Variants in TICRR observed in about 807,000 individuals in gnomAD.
TICRR encodes the protein TOPBP1 interacting checkpoint and replication regulator, also known as treslin.
TICRR carries 132 observed loss-of-function variants against 178.1 expected under a neutral mutation model. The ratio of observed to expected loss-of-function variants is 0.74; its 90% confidence interval spans 0.64 to 0.86. The LOEUF (loss-of-function observed/expected upper bound fraction) is 0.86. Among genes scored for constraint, TICRR ranks in the 40% least tolerant of loss-of-function variants. The probability of loss-of-function intolerance (pLI) is 0.00; values close to 1 mark genes in which losing one functional copy is unlikely to be tolerated. For synonymous variants in TICRR, 991 were observed against 900.7 expected, an observed-to-expected ratio of 1.10 and a Z score of -1.79; for missense variants, 2,587 against 2,334.3, an observed-to-expected ratio of 1.11 and a Z score of -2.23.
chr15:89,589,066 T>C (rs982354394), intron 4 of TICRR, among the ~76,000 whole-genome samples: 16 of 151,670 alleles, frequency 1.1e-4, no homozygotes, highest in South Asian at 2.1e-4. Flanking sequence ...ATTGAGGACA[T>C]AGGGGATTTT....
rs1465635265 is a variant in TICRR at position 89,591,984 on chromosome 15, A to T, written c.1412-63A>T. 4.6e-6 allele frequency: 7 copies of T among 1,519,122 alleles called. No homozygotes were observed. The East Asian group carries it at 1.4e-4, about 30-fold the overall frequency. 94.1% of individuals were successfully genotyped at this position (1,519,122 alleles called of 1,614,324 possible). A position where few individuals can be genotyped will look rare whatever the true frequency, so the allele number is the denominator to read the frequency against. On this transcript the variant is annotated intron_variant, in intron 4 of 21. Transcript: ENST00000268138. ...CAGTCCAGGGGAGGAGCAAGTGCTT[A>T]GAATTCTCTGCTTTGGTTCTCATGC...
In TICRR at chr15:89,623,855, CAGG is replaced by C; in HGVS notation, c.3548_3550del (p.Gly1183del). On this transcript the variant is annotated inframe_deletion, in exon 20 of 22. Coordinates refer to ENST00000268138, the MANE Select transcript of TICRR (RefSeq NM_152259.4). ...ACTCCTCAAAAACGACATACCCAGG[CAGG>C]AGAAGGTACCTCTCTTGAAACGAAG... 1.9e-6 allele frequency: 3 copies of C among 1,613,972 alleles called. No individual in the cohort carries two copies. The highest frequency in any genetic ancestry group is 2.5e-6 in the Non-Finnish European group (3 of 1,180,026).
rs1408270815 is a variant in TICRR, at chr15:89,627,821, G to A, written c.*735G>A. On this transcript the variant is annotated 3_prime_UTR_variant, in exon 22 of 22. Coordinates refer to ENST00000268138, the MANE Select transcript of TICRR (RefSeq NM_152259.4). The stretch of plus-strand genomic sequence containing the variant: ...AGTGCCCCACAGACCCGCTGGACCA[G>A]CCTGCTGCGGGTCCTGGCCAGGGGT... 1 of 152,500 alleles carries A rather than the reference G, an allele frequency of 6.6e-6. No homozygotes were observed. Among genetic ancestry groups the A allele is most frequent in the African/African-American group, 2.4e-5 (1 of 41,412 alleles). The allele number at this position is 152,500 out of a possible 1,614,324, so 9.4% of individuals were successfully genotyped here. A position where few individuals can be genotyped will look rare whatever the true frequency, so the allele number is the denominator to read the frequency against.
At chr15:89,576,809 GTA>G (rs757729760) in intron 1 of TICRR, among the ~76,000 whole-genome samples, 69,096 of 114,922 alleles carry the variant, frequency 0.6, 18,182 homozygotes, top group Non-Finnish European at 0.68. Flanking sequence ...GGGTGTGTGT[GTA>G]TGTGTGTGTG....
intron 1 of TICRR, among the ~76,000 whole-genome samples, chr15:89,577,728 C>T (rs1000292351): frequency 2.0e-5 from 3 of 149,836 alleles, no homozygotes; most frequent in Non-Finnish European, 4.4e-5. Context: ...CCTGCCTCAG[C>T]CTCCCAAGTA....
At chr15:89,589,399 G>A (rs1788045105) in intron 4 of TICRR, among the ~76,000 whole-genome samples, 2 of 152,136 alleles carry the variant, frequency 1.3e-5, no homozygotes, top group South Asian at 4.1e-4. Flanking sequence ...TAACTCCGAG[G>A]GCCTAGGGCT....
chr15:89,588,580 A>G (rs1962859610), intron 4 of TICRR, among the ~76,000 whole-genome samples: 1 of 152,072 alleles, frequency 6.6e-6, no homozygotes, highest in African/African-American at 2.4e-5. Flanking sequence ...CAAAGGAGAG[A>G]GCTAAAAAAT....
chr15:89,594,129 A>G (rs981333666), intron 5 of TICRR, among the ~76,000 whole-genome samples: 2 of 152,234 alleles, frequency 1.3e-5, no homozygotes, highest in African/African-American at 4.8e-5. Context: ...TAGTTGCCAT[A>G]ATTAGACTTG....
Position 89,585,670 on chromosome 15 carries a change from A to G in TICRR, c.1177-38A>G, listed in dbSNP as rs374342327. 17 of 1,411,388 alleles carry G rather than the reference A, an allele frequency of 1.2e-5. No individual in the cohort carries two copies. In the African/African-American group the frequency reaches 2.2e-4, roughly 19 times the overall value. The allele number at this position is 1,411,388 out of a possible 1,614,324, so 87.4% of individuals were successfully genotyped here. A position where few individuals can be genotyped will look rare whatever the true frequency, so the allele number is the denominator to read the frequency against. On this transcript the variant is annotated intron_variant, in intron 3 of 21. Transcript: ENST00000268138. ...ACTACATTCTTCTTTAGGCATATTGACAATAATATTCTCAACTAATTAGGG... is the reference window on the plus strand; with the variant it reads ...ACTACATTCTTCTTTAGGCATATTGGCAATAATATTCTCAACTAATTAGGG...
intron 5 of TICRR, 80 bp from the exon 6 acceptor site, chr15:89,594,335 A>G (rs999805141): frequency 2.7e-5 from 34 of 1,262,758 alleles, no homozygotes; most frequent in Non-Finnish European, 3.6e-5. Context: ...TTTAGAGGAT[A>G]GTGGGTATTT....
At position 89,603,006 on chromosome 15, in the gene TICRR, T is replaced by C. The variant is rs529286295; in HGVS notation, c.2664+114T>C. The C allele has an allele frequency of 1.3e-5, 6 of 451,746 alleles. No individual in the cohort carries two copies. In the South Asian group the frequency reaches 4.8e-4, roughly 36 times the overall value. The allele number at this position is 451,746 out of a possible 1,614,324, so 28.0% of individuals were successfully genotyped here. A position where few individuals can be genotyped will look rare whatever the true frequency, so the allele number is the denominator to read the frequency against. On this transcript the variant is annotated intron_variant, in intron 13 of 21. Transcript: ENST00000268138. ...ACAGAAATAATATTAAATATTTTTA[T>C]GAATGTGTATAAAACTATAATCCAA...
Position 89,583,192 on chromosome 15 carries a change from G to T in TICRR, c.934+227G>T, listed in dbSNP as rs1015102209. On this transcript the variant is annotated intron_variant, in intron 2 of 21. Transcript: ENST00000268138. ...CCTTTGTACAAAAAAACAAGTGAAT[G>T]ATTGATTTTAAAGTTTACCAGCTGT... Among the ~76,000 whole-genome samples the T allele has an allele frequency of 3.3e-5, 5 of 152,256 alleles. No individual in the cohort carries two copies. In the South Asian group the frequency reaches 8.3e-4, roughly 25 times the overall value.
chr15:89,591,758 C>T (rs1962916875), intron 4 of TICRR: 1 of 215,910 alleles, frequency 4.6e-6, no homozygotes, highest in East Asian at 9.8e-5. Flanking sequence ...AAAAGAAGAA[C>T]AATATATATT....
chr15:89,589,481 T>C (rs1052763773), intron 4 of TICRR, among the ~76,000 whole-genome samples: 5 of 152,020 alleles, frequency 3.3e-5, no homozygotes, highest in African/African-American at 1.2e-4. Flanking sequence ...TGCTTGACAT[T>C]TGCTGGAAGA....
intron 17 of TICRR, among the ~76,000 whole-genome samples, chr15:89,618,746 C>T (rs1963375817): frequency 1.3e-5 from 2 of 152,130 alleles, no homozygotes; most frequent in South Asian, 2.1e-4. Context: ...GGATCACTGG[C>T]CAGGAGTTTG....
Position 89,575,940 on chromosome 15 carries a change from C to A in TICRR, c.354C>A (p.Ile118=). 6.3e-7 allele frequency: 1 copy of A among 1,597,206 alleles called. No individual in the cohort carries two copies. Among genetic ancestry groups the A allele is most frequent in the East Asian group, 2.3e-5 (1 of 44,044 alleles). The change falls in exon 1 of 22, where the codon ATC becomes ATA. Residue 118 remains isoleucine, a synonymous_variant. Coordinates refer to ENST00000268138, the MANE Select transcript of TICRR (RefSeq NM_152259.4). ...LLDYQWDRPE[I]TSPTKPILRS... ...ACTACCAGTGGGACCGGCCCGAGAT[C>A]ACGTCGCCCACGAAGCCGATCCTGC...
intron 1 of TICRR, among the ~76,000 whole-genome samples, chr15:89,579,406 C>T (rs548011973): frequency 4.6e-5 from 7 of 152,172 alleles, no homozygotes; most frequent in African/African-American, 1.7e-4. Context: ...AGTGCAGTGG[C>T]GCAATCTCGG....
Position 89,619,818 on chromosome 15 carries a change from C to T in TICRR, c.3130C>T (p.His1044Tyr). ...QPKSRSVQRV[H>Y]SFQQDKSDQR... ...GAAGTCTCGAAGTGTGCAAAGAGTCCACTCTTTCCAGCAAGATAAGTCAGG... is the reference window on the plus strand; with the variant it reads ...GAAGTCTCGAAGTGTGCAAAGAGTCTACTCTTTCCAGCAAGATAAGTCAGG... Residue 1044 changes from histidine (H) to tyrosine (Y), a missense_variant, in exon 18 of 22, where the codon CAC becomes TAC. Coordinates refer to ENST00000268138, the MANE Select transcript of TICRR (RefSeq NM_152259.4). The T allele has an allele frequency of 1.2e-6, 2 of 1,612,658 alleles. No homozygotes were observed. The highest frequency in any genetic ancestry group is 1.7e-6 in the Non-Finnish European group (2 of 1,179,600).
chr15:89,618,267 T>C lies in TICRR; in HGVS notation c.3019+57T>C. ...ATCTACCCAGCTTCTATGAAAACCT[T>C]TCTGTATGTATTGTTACTTGGCATA... On this transcript the variant is annotated intron_variant, in intron 17 of 21. Coordinates refer to ENST00000268138, the MANE Select transcript of TICRR (RefSeq NM_152259.4). 2.0e-6 allele frequency: 3 copies of C among 1,501,500 alleles called. No homozygotes were observed. The South Asian group carries it at 3.4e-5, about 17-fold the overall frequency. 93.0% of individuals were successfully genotyped at this position (1,501,500 alleles called of 1,614,324 possible).
Sources: allele counts gnomAD v4.1 joint callset (sites outside exome capture counted in the v4.1 genomes callset), GRCh38; gene constraint gnomAD v4.1.1; transcripts MANE v1.5; gene names NCBI Gene and HGNC (gene_info 2026-07-23, HGNC 2026-07-21).